The following KRT3 variants were observed in gnomAD, a reference collection of about 807,000 sequenced individuals.
The protein encoded by KRT3 is keratin, type II cytoskeletal 3.
Under a neutral mutation model 45.8 loss-of-function variants are expected in KRT3, and 34 were observed. The observed-to-expected ratio is 0.74, with a 90% CI of 0.57 to 0.99. KRT3 has a LOEUF of 0.99. Among genes scored for constraint, KRT3 ranks in the 50% least tolerant of loss-of-function variants. The probability of loss-of-function intolerance (pLI) is 0.00; values close to 1 mark genes in which losing one functional copy is unlikely to be tolerated. For synonymous variants in KRT3, 367 were observed against 329.0 expected (o/e 1.12, Z -1.25); for missense variants, 828 against 820.6 (o/e 1.01, Z -0.11).
rs756028659 is a variant in KRT3, at chr12:52,794,285, T to A, written c.692A>T (p.Asn231Ile). Residue 231 changes from asparagine to isoleucine, a missense_variant, in exon 2 of 9, where the codon AAC (asparagine) becomes ATC (isoleucine). Asn to Ile is a moderately radical substitution (Grantham distance 149). Coordinates refer to ENST00000417996, the MANE Select transcript of KRT3 (RefSeq NM_057088.3). ...ACTTGTGCCCTGCTGCTGGAGCAGG[T>A]TCCACTTGGTCTCCAGGACTTTGTT... Reference protein sequence around the residue: ...QQNKVLETKWNLLQQQGTSSI... With the variant: ...QQNKVLETKWILLQQQGTSSI... The A allele has an allele frequency of 2.5e-6, 4 of 1,614,174 alleles. 1 individual carries two copies. In the South Asian group the frequency reaches 4.4e-5, roughly 18 times the overall value.
Position 52,791,740 on chromosome 12 carries a change from T to A in KRT3, c.1265A>T (p.Asn422Ile), listed in dbSNP as rs760285118. The A allele has an allele frequency of 6.8e-6, 11 of 1,614,036 alleles. No individual in the cohort carries two copies. Among genetic ancestry groups the A allele is most frequent in the African/African-American group, 4.0e-5 (3 of 74,926 alleles). ...RNTKSEIIEL[N>I]RMIQRLRAEI... Reference sequence around the variant, plus strand: ...TGCCCGCAGCCTCTGGATCATTCTGTTGAGCTCTATGATCTCGCTCTTGGT... The same window carrying A: ...TGCCCGCAGCCTCTGGATCATTCTGATGAGCTCTATGATCTCGCTCTTGGT... The change falls in exon 6 of 9, where the codon AAC becomes ATC. Residue 422 changes from asparagine to isoleucine, a missense_variant. By Grantham distance (149) the Asn-to-Ile change is moderately radical (BLOSUM62 -3). Coordinates refer to ENST00000417996, the MANE Select transcript of KRT3 (RefSeq NM_057088.3).
At chr12:52,794,406 C>T in intron 1 of KRT3, 75 bp from the exon 2 acceptor site, 1 of 1,073,262 alleles carries the variant, frequency 9.3e-7, no homozygotes, top group Non-Finnish European at 1.4e-6. Context: ...TCAGGTAGGA[C>T]TAGGTGTCTA....
intron 3 of KRT3, 66 bp downstream of exon 3, chr12:52,793,097 A>G: frequency 7.7e-7 from 1 of 1,304,970 alleles, no homozygotes; most frequent in Non-Finnish European, 1.1e-6. Flanking sequence ...TGGAGTGAGG[A>G]GATTCCCCCA....
chr12:52,793,157 C>T lies in KRT3; in HGVS notation c.927+6G>A, dbSNP rs949511796. ...AAGCCTCAGAAACCTCACACACAGC[C>T]CTTACCTTCTTCAGAGTCACAAATT... On this transcript the variant is annotated splice_donor_region_variant and intron_variant, in intron 3 of 8. Transcript: ENST00000417996. The T allele has an allele frequency of 3.1e-6, 5 of 1,609,822 alleles. No homozygotes were observed. The Admixed American group carries it at 6.7e-5, about 22-fold the overall frequency.
chr12:52,792,723 G>A lies in KRT3; in HGVS notation c.1011C>T (p.Thr337=). Residue 337 remains threonine, a synonymous_variant, in exon 4 of 9, where the codon ACC becomes ACT. Coordinates refer to ENST00000417996, the MANE Select transcript of KRT3 (RefSeq NM_057088.3). ...GTAACATCCTTACAGCGTCGTAGAG[G>A]GTCCTTAAGAAGTCGATCTCATCTA... The part of the protein sequence containing the change: ...ALIDEIDFLR[T]LYDAELSQMQ... The A allele has an allele frequency of 5.6e-6, 9 of 1,609,366 alleles. No homozygotes were observed. Among genetic ancestry groups the A allele is most frequent in the Non-Finnish European group, 7.7e-6 (9 of 1,175,732 alleles).
Position 52,792,754 on chromosome 12 carries a change from G to A in KRT3, c.980C>T (p.Ala327Val), listed in dbSNP as rs1565678412. Residue 327 changes from alanine (A) to valine (V), a missense_variant, in exon 4 of 9, where the codon GCC becomes GTC. Physicochemically the swap from Ala to Val is moderately conservative, Grantham distance 64. Transcript: ENST00000417996. ...NKVELQAKVD[A>V]LIDEIDFLRT... is the part of the protein sequence containing the mutation. Reference sequence around the variant, plus strand: ...TAAGAAGTCGATCTCATCTATCAAGGCATCCACTTTGGCCTGAAGCTCCAC... The same window carrying A: ...TAAGAAGTCGATCTCATCTATCAAGACATCCACTTTGGCCTGAAGCTCCAC... 2 of 1,613,582 alleles carry A rather than the reference G, an allele frequency of 1.2e-6. No individual in the cohort carries two copies. Among genetic ancestry groups the A allele is most frequent in the Non-Finnish European group, 8.5e-7 (1 of 1,179,670 alleles).
At position 52,790,218 on chromosome 12, in the gene KRT3, CA is replaced by C. The variant is rs1159302141; in HGVS notation, c.1710del (p.Gly571GlufsTer136). On this transcript the variant is annotated frameshift_variant, in exon 9 of 9. Transcript: ENST00000417996. LOFTEE classifies it low-confidence loss of function (END_TRUNC). The stretch of plus-strand genomic sequence containing the variant: ...CCGCCGCCAAATCCACCGCCGATTC[CA>C]CCGCCGCCTCCCCGGCCAAAGCCAC... The part of the protein sequence containing the change: ...SGSGFGRGGG[G>X]GIGGGFGGGS... The C allele has an allele frequency of 1.3e-6, 2 of 1,549,872 alleles. No individual in the cohort carries two copies. The highest frequency in any genetic ancestry group is 3.9e-5 in the Admixed American group (2 of 50,968).
At position 52,790,853 on chromosome 12, in the gene KRT3, TC is replaced by T; in HGVS notation, c.1554del (p.Ser519ValfsTer32). On this transcript the variant is annotated frameshift_variant, in exon 8 of 9. Transcript: ENST00000417996. LOFTEE classifies it low-confidence loss of function (END_TRUNC). ...GEEYRMSGECPSAVSISVVSS... is the reference protein window; with the variant it reads ...GEEYRMSGECXSAVSISVVSS... ...CGGTACTTACAGATGCTGACAGCAC[TC>T]GGACACTCTCCAGACATCCTGTTTG... 1 of 1,597,820 alleles carries T rather than the reference TC, an allele frequency of 6.3e-7. No individual in the cohort carries two copies. The highest frequency in any genetic ancestry group is 8.5e-7 in the Non-Finnish European group (1 of 1,171,864).
In KRT3 at chr12:52,795,989, G is replaced by T; in HGVS notation, c.54C>A (p.Gly18=). Reference sequence around the variant, plus strand: ...TGCTGCCGGAGACCACAGCAGAGCGGCCGGAGAAACCCTGGCTCCCGCCAC... The same window carrying T: ...TGCTGCCGGAGACCACAGCAGAGCGTCCGGAGAAACCCTGGCTCCCGCCAC... ...TSGGGSQGFS[G]RSAVVSGSSR... is the part of the protein sequence containing the mutation. Residue 18 remains glycine (G), a synonymous_variant, in exon 1 of 9, where the codon GGC becomes GGA. Coordinates refer to ENST00000417996, the MANE Select transcript of KRT3 (RefSeq NM_057088.3). 1 of 1,613,896 alleles carries T rather than the reference G, an allele frequency of 6.2e-7. No individual in the cohort carries two copies. The highest frequency in any genetic ancestry group is 8.5e-7 in the Non-Finnish European group (1 of 1,179,946).
Position 52,790,045 on chromosome 12 carries a change from T to G in KRT3, c.1884A>C (p.Arg628Ser), listed in dbSNP as rs1372623254. Residue 628 changes from arginine (R) to serine (S), a missense_variant, in exon 9 of 9, where the codon AGA becomes AGC. Arg to Ser is a moderately radical substitution (Grantham distance 110). Transcript: ENST00000417996. ...CTGCGATGCTGATGCGTGCTCTTTA[T>G]CTGGAGTAGCGCTGGGAGGACTGGG... ...QSSQSSQRYS[R>S] 2.6e-6 allele frequency: 4 copies of G among 1,538,740 alleles called. No homozygotes were observed. Among genetic ancestry groups the G allele is most frequent in the Non-Finnish European group, 3.5e-6 (4 of 1,146,814 alleles).
intron 1 of KRT3, 90 bp downstream of exon 1, chr12:52,795,308 C>T (rs1939610803): frequency 2.0e-6 from 3 of 1,499,114 alleles, no homozygotes; most frequent in Non-Finnish European, 2.8e-6. Flanking sequence ...TCCAGTCTGG[C>T]CTATCCAAGA....
intron 4 of KRT3, 86 bp downstream of exon 4, chr12:52,792,625 G>C: frequency 9.4e-7 from 1 of 1,063,174 alleles, no homozygotes; most frequent in Admixed American, 1.7e-5. Flanking sequence ...GATGTCTTCT[G>C]GGGCCTATAT....
At chr12:52,791,113 G>A (rs1939482564) in intron 7 of KRT3, 93 bp downstream of exon 7, 2 of 1,582,286 alleles carry the variant, frequency 1.3e-6, no homozygotes, top group East Asian at 4.5e-5. Flanking sequence ...TCTTTATACA[G>A]CAGGGCTCCA....
intron 5 of KRT3, 146 bp downstream of exon 5, chr12:52,792,093 G>A (rs936223149): frequency 1.3e-6 from 1 of 761,788 alleles, no homozygotes; most frequent in Non-Finnish European, 2.1e-6. Context: ...TTCTGCAACT[G>A]AACCACCATT....
chr12:52,795,626 A>C lies in KRT3; in HGVS notation c.417T>G (p.Gly139=), dbSNP rs529558333. The C allele has an allele frequency of 1.9e-6, 3 of 1,584,398 alleles. No homozygotes were observed. The highest frequency in any genetic ancestry group is 1.4e-5 in the African/African-American group (1 of 72,790). ...GGFGGAGGFG[G]PGGFGGSGGF... is the part of the protein sequence containing the mutation. ...CACCAGACCCACCAAAGCCACCAGG[A>C]CCACCAAAGCCACCAGCCCCTCCAA... The change falls in exon 1 of 9, where the codon GGT becomes GGG. Residue 139 remains glycine, a synonymous_variant. Coordinates refer to ENST00000417996, the MANE Select transcript of KRT3 (RefSeq NM_057088.3).
At position 52,792,793 on chromosome 12, in the gene KRT3, G is replaced by A. The variant is rs199614200; in HGVS notation, c.941C>T (p.Ala314Val). Residue 314 changes from alanine (A) to valine (V), a missense_variant, in exon 4 of 9, where the codon GCC becomes GTC. By Grantham distance (64) the Ala-to-Val change is moderately conservative. Transcript: ENST00000417996. ...CTGAAGCTCCACCTTGTTCATATAG[G>A]CACTGTCCACATCCTGAGAAAAGAG... The part of the protein sequence containing the change: ...FVTLKKDVDS[A>V]YMNKVELQAK... The A allele has an allele frequency of 6.2e-4, 1,004 of 1,610,504 alleles. 1 individual carries two copies. The highest frequency in any genetic ancestry group is 8.1e-4 in the Non-Finnish European group (949 of 1,176,790).
chr12:52,790,940 G>C (rs1158017555), intron 7 of KRT3, 68 bp from the exon 8 acceptor site: 7 of 1,466,958 alleles, frequency 4.8e-6, no homozygotes, highest in Non-Finnish European at 6.5e-6. Flanking sequence ...CACGGACCAA[G>C]GGCATGAATA....
chr12:52,793,138 C>T, intron 3 of KRT3, 25 bp downstream of exon 3: 1 of 1,601,050 alleles, frequency 6.2e-7, no homozygotes, highest in Non-Finnish European at 8.5e-7. Context: ...CTGCAAGCCT[C>T]AGAAACCTCA....
In KRT3 at chr12:52,790,839, G is replaced by C. The variant is rs748984203; in HGVS notation, c.1569C>G (p.Ile523Met). ...TTCTTAGCTACTTTCGGTACTTACA[G>C]ATGCTGACAGCACTCGGACACTCTC... The part of the protein sequence containing the change: ...MSGECPSAVS[I>M]SVVSSSTTSA... Residue 523 changes from isoleucine (I) to methionine (M), a missense_variant and splice_region_variant, in exon 8 of 9, where the codon ATC (isoleucine) becomes ATG (methionine). By Grantham distance (10) the Ile-to-Met change is conservative. Transcript: ENST00000417996. The C allele has an allele frequency of 6.3e-7, 1 of 1,595,858 alleles. No individual in the cohort carries two copies. Among genetic ancestry groups the C allele is most frequent in the South Asian group, 1.1e-5 (1 of 87,664 alleles).
Sources: gnomAD v4.1 joint callset for allele counts on GRCh38, gnomAD v4.1.1 for gene constraint, MANE v1.5 for transcripts, NCBI Gene and HGNC (gene_info 2026-07-23, HGNC 2026-07-21) for gene names.